The following TRAPPC9 variants were observed in gnomAD, a reference collection of about 807,000 sequenced individuals.
TRAPPC9 encodes trafficking protein particle complex subunit 9.
Under a neutral mutation model 124.0 loss-of-function variants are expected in TRAPPC9, and 83 were observed. The observed-to-expected ratio is 0.67, with a 90% CI of 0.56 to 0.80. TRAPPC9 has a LOEUF of 0.80. Among genes scored for constraint, TRAPPC9 ranks in the 30% least tolerant of loss-of-function variants. The pLI is 0.00. For synonymous variants in TRAPPC9, 638 were observed against 617.5 expected, an observed-to-expected ratio of 1.03 and a Z score of -0.49; for missense variants, 1,302 against 1,508.3, an observed-to-expected ratio of 0.86 and a Z score of 2.27.
At chr8:139,956,931 G>A (rs1367213198) in intron 19 of TRAPPC9, among the ~76,000 whole-genome samples, 2 of 152,246 alleles carry the variant, frequency 1.3e-5, no homozygotes, top group Non-Finnish European at 2.9e-5. Context: ...GCTGAAGAGG[G>A]GATGGGATGT....
intron 19 of TRAPPC9, among the ~76,000 whole-genome samples, chr8:139,914,348 A>AC (rs1831959756): frequency 6.6e-6 from 1 of 152,122 alleles, no homozygotes; most frequent in Admixed American, 6.5e-5. Context: ...TAAGGAAGAA[A>AC]CCCAGGGCCA....
chr8:139,894,263 C>G (rs529807912), intron 20 of TRAPPC9, among the ~76,000 whole-genome samples: 1 of 152,348 alleles, frequency 6.6e-6, no homozygotes, highest in African/African-American at 2.4e-5. Context: ...AGACCCTCAC[C>G]GAGCAGTGTG....
In TRAPPC9 at chr8:140,298,549, G is replaced by C. The variant is rs114243825; in HGVS notation, c.1768+1920C>G. Among the ~76,000 whole-genome samples, 923 of 152,266 alleles carry C rather than the reference G, an allele frequency of 6.1e-3. 9 individuals are homozygous for C. Among genetic ancestry groups the C allele is most frequent in the African/African-American group, 0.021 (876 of 41,568 alleles). On this transcript the variant is annotated intron_variant, in intron 11 of 22. Coordinates refer to ENST00000438773, the MANE Select transcript of TRAPPC9 (RefSeq NM_001160372.4). ...CACCTGTGGTCCCACCCACTCGGGA[G>C]GCTGAGGCAGGAGGATCAACTGAGC...
chr8:140,009,670 G>A (rs181977015), intron 18 of TRAPPC9, among the ~76,000 whole-genome samples: 31 of 152,256 alleles, frequency 2.0e-4, no homozygotes, highest in East Asian at 1.9e-4. Flanking sequence ...GAATTACTGC[G>A]GCAGGACTGA....
At chr8:140,439,552 C>A (rs1240539079) in intron 2 of TRAPPC9, among the ~76,000 whole-genome samples, 2 of 152,192 alleles carry the variant, frequency 1.3e-5, no homozygotes, top group African/African-American at 4.8e-5. Context: ...TCTTCCACTT[C>A]TTAACATCAA....
At chr8:139,898,302 G>A (rs553344455) in intron 20 of TRAPPC9, among the ~76,000 whole-genome samples, 4 of 152,338 alleles carry the variant, frequency 2.6e-5, no homozygotes, top group African/African-American at 7.2e-5. Context: ...GGCCATGACC[G>A]ATTTCCCAAA....
rs895712061 is a variant in TRAPPC9 at position 139,825,294 on chromosome 8, T to C, written c.3055+60585A>G. 6.6e-6 allele frequency among the ~76,000 whole-genome samples: 1 copy of C among 152,154 alleles called. No individual in the cohort carries two copies. The highest frequency in any genetic ancestry group is 2.4e-5 in the African/African-American group (1 of 41,454). ...ACTCCTCTGGGACCTGCAGCCACACTGGGTCCCACTCTTTCCCGCCGAATG... is the reference window on the plus strand; with the variant it reads ...ACTCCTCTGGGACCTGCAGCCACACCGGGTCCCACTCTTTCCCGCCGAATG... On this transcript the variant is annotated intron_variant, in intron 21 of 22. Transcript: ENST00000438773. This position sits in a 1 kb window ranked among gnomAD's most constrained non-coding sequence, Gnocchi z 4.6.
intron 15 of TRAPPC9, among the ~76,000 whole-genome samples, chr8:140,264,273 T>C (rs1181846353): frequency 6.6e-6 from 1 of 152,036 alleles, no homozygotes; most frequent in African/African-American, 2.4e-5. Context: ...AATCGTCTCC[T>C]CCCCGTCAGC....
At chr8:140,249,167 T>C (rs1438320623) in intron 16 of TRAPPC9, among the ~76,000 whole-genome samples, 1 of 142,784 alleles carries the variant, frequency 7.0e-6, no homozygotes, top group Non-Finnish European at 1.5e-5. Context: ...GGTTTTTCCC[T>C]CCCTGACCCC....
chr8:140,274,625 C>T (rs1450527777), intron 15 of TRAPPC9, among the ~76,000 whole-genome samples: 1 of 152,224 alleles, frequency 6.6e-6, no homozygotes, highest in Non-Finnish European at 1.5e-5. Flanking sequence ...TTACACACTC[C>T]AAACTCATTC....
intron 21 of TRAPPC9, among the ~76,000 whole-genome samples, chr8:139,850,454 C>A (rs1247921882): frequency 6.6e-6 from 1 of 152,230 alleles, no homozygotes; most frequent in Non-Finnish European, 1.5e-5. Flanking sequence ...GCAATCCCAG[C>A]ATTGCCTTGT....
At chr8:140,177,895 A>T (rs1037649709) in intron 17 of TRAPPC9, among the ~76,000 whole-genome samples, 1 of 152,052 alleles carries the variant, frequency 6.6e-6, no homozygotes, top group Non-Finnish European at 1.5e-5. Flanking sequence ...TTTATCCCCA[A>T]GTATATAATT....
chr8:139,786,193 G>A (rs1236263106), intron 21 of TRAPPC9, among the ~76,000 whole-genome samples: 2 of 152,168 alleles, frequency 1.3e-5, no homozygotes, highest in Non-Finnish European at 2.9e-5. Context: ...GGGTGACAGA[G>A]CGAGACTCTG....
At chr8:139,930,363 C>T (rs147749993) in intron 19 of TRAPPC9, among the ~76,000 whole-genome samples, 1 of 152,332 alleles carries the variant, frequency 6.6e-6, no homozygotes, top group Non-Finnish European at 1.5e-5. Flanking sequence ...AGCGCGCTCA[C>T]ACAACACGGT....
At chr8:140,245,270 T>C (rs2063953310) in intron 16 of TRAPPC9, among the ~76,000 whole-genome samples, 1 of 152,208 alleles carries the variant, frequency 6.6e-6, no homozygotes, top group Non-Finnish European at 1.5e-5. Flanking sequence ...GATTTGCCCA[T>C]CCCAATGCTG....
chr8:140,188,796 C>T (rs2062409187), intron 17 of TRAPPC9, among the ~76,000 whole-genome samples: 1 of 152,212 alleles, frequency 6.6e-6, no homozygotes, highest in South Asian at 2.1e-4. Flanking sequence ...CAAGGAACCA[C>T]ACACAATTTG....
chr8:139,849,770 T>C (rs1827329678), intron 21 of TRAPPC9, among the ~76,000 whole-genome samples: 1 of 152,170 alleles, frequency 6.6e-6, no homozygotes, highest in African/African-American at 2.4e-5. Context: ...ATGTCCTCAT[T>C]TTACAGAGGA....
chr8:140,412,343 T>C (rs909171820), intron 5 of TRAPPC9, among the ~76,000 whole-genome samples: 1 of 152,160 alleles, frequency 6.6e-6, no homozygotes, highest in African/African-American at 2.4e-5. Context: ...AAAACGAAGA[T>C]AGGCTGAGAC....
At chr8:140,414,777 T>C (rs933999703) in intron 5 of TRAPPC9, among the ~76,000 whole-genome samples, 2 of 152,124 alleles carry the variant, frequency 1.3e-5, no homozygotes, top group African/African-American at 4.8e-5. Flanking sequence ...GTTCTCTCTC[T>C]GTCCCCCAGT....
Sources: gnomAD v4.1 joint callset for allele counts (sites outside exome capture counted in the v4.1 genomes callset) on GRCh38, gnomAD v4.1.1 for gene constraint, Gnocchi (gnomAD v3.1) non-coding constraint, MANE v1.5 for transcripts, NCBI Gene and HGNC (gene_info 2026-07-23, HGNC 2026-07-21) for gene names.